Variants in FAM222A observed in about 807,000 individuals in gnomAD.
The protein encoded by FAM222A is protein FAM222A.
In FAM222A, 7 loss-of-function variants were observed where a neutral mutation model predicts 25.8. The ratio of observed to expected loss-of-function variants is 0.27; its 90% CI spans 0.15 to 0.51. The LOEUF (loss-of-function observed/expected upper bound fraction) is 0.51, where lower values mean the gene tolerates loss of function less well. Among genes scored for constraint, FAM222A ranks in the 20% least tolerant of loss-of-function variants. The pLI is 0.97. For missense variants in FAM222A, 573 were observed against 640.5 expected (o/e 0.89, Z 1.14); for synonymous variants, 294 against 298.8 (o/e 0.98, Z 0.17).
At chr12:109,717,587 G>C (rs191989299) in intron 1 of FAM222A, among the ~76,000 whole-genome samples, 11 of 152,312 alleles carry the variant, frequency 7.2e-5, no homozygotes, top group Admixed American at 5.9e-4. Context: ...GTGGGCCCTC[G>C]TGCCTGATGG....
chr12:109,759,201 C>T (rs995215677), intron 2 of FAM222A, among the ~76,000 whole-genome samples: 1 of 152,198 alleles, frequency 6.6e-6, no homozygotes, highest in African/African-American at 2.4e-5. Context: ...CTTGCCCTCT[C>T]CAAGCCTCAG....
chr12:109,761,706 T>C (rs1486542633), intron 2 of FAM222A, among the ~76,000 whole-genome samples: 1 of 152,156 alleles, frequency 6.6e-6, no homozygotes, highest in Non-Finnish European at 1.5e-5. Context: ...GCAAGTCCCA[T>C]TGCTTCTGAG....
At chr12:109,747,294 C>T (rs1289070759) in intron 2 of FAM222A, among the ~76,000 whole-genome samples, 1 of 152,094 alleles carries the variant, frequency 6.6e-6, no homozygotes, top group Non-Finnish European at 1.5e-5. Context: ...GGGGTTTCAC[C>T]GTGTTGGCCA....
chr12:109,753,036 C>T (rs1888604813), intron 2 of FAM222A, among the ~76,000 whole-genome samples: 1 of 152,208 alleles, frequency 6.6e-6, no homozygotes, highest in South Asian at 2.1e-4. Context: ...TGCTCAGGGC[C>T]TTCCCCACTA....
chr12:109,748,781 G>T (rs1242201899), intron 2 of FAM222A, among the ~76,000 whole-genome samples: 1 of 152,148 alleles, frequency 6.6e-6, no homozygotes, highest in East Asian at 1.9e-4. Context: ...TAATGATACT[G>T]TCTATCCCCT....
At chr12:109,738,195 G>C (rs1262009830) in intron 1 of FAM222A, among the ~76,000 whole-genome samples, 10 of 152,176 alleles carry the variant, frequency 6.6e-5, no homozygotes, top group Non-Finnish European at 1.0e-4. Context: ...GGCTGGGCAA[G>C]GGTCCCTCCA....
intron 2 of FAM222A, among the ~76,000 whole-genome samples, chr12:109,765,932 C>A (rs1889036239): frequency 6.6e-6 from 1 of 152,200 alleles, no homozygotes. Flanking sequence ...CCGCACATGA[C>A]CCGTCAAACC....
intron 1 of FAM222A, among the ~76,000 whole-genome samples, chr12:109,737,114 C>T (rs1437811955): frequency 1.3e-5 from 2 of 152,060 alleles, no homozygotes; most frequent in South Asian, 2.1e-4. Context: ...CTCAGGAACC[C>T]GGACTCCAAT....
intron 1 of FAM222A, among the ~76,000 whole-genome samples, chr12:109,743,448 G>A (rs1000206058): frequency 1.3e-5 from 2 of 152,196 alleles, no homozygotes; most frequent in Admixed American, 1.3e-4. Context: ...TTCAGGGTAA[G>A]GAGCTCAGGC....
intron 2 of FAM222A, among the ~76,000 whole-genome samples, chr12:109,764,633 T>A (rs1320821722): frequency 6.6e-6 from 1 of 152,024 alleles, no homozygotes; most frequent in African/African-American, 2.4e-5. Flanking sequence ...CAGATATAAT[T>A]TTTTTTTCCC....
intron 1 of FAM222A, among the ~76,000 whole-genome samples, chr12:109,727,468 C>T (rs1332806420): frequency 6.6e-6 from 1 of 152,146 alleles, no homozygotes; most frequent in Admixed American, 6.5e-5. Context: ...GTGTCTTGCT[C>T]TTGTTTCCTG....
chr12:109,720,420 C>T (rs1887726945), intron 1 of FAM222A, among the ~76,000 whole-genome samples: 1 of 152,350 alleles, frequency 6.6e-6, no homozygotes, highest in African/African-American at 2.4e-5. Context: ...AGCTGCCTCA[C>T]AGAGTCCAGG....
intron 1 of FAM222A, chr12:109,720,152 C>G (rs1186463072): frequency 1.0e-6 from 1 of 985,334 alleles, no homozygotes; most frequent in African/African-American, 1.7e-5. Context: ...CCTGGCCCCA[C>G]AGCAAGCCAG....
At chr12:109,726,108 G>GA (rs1302139361) in intron 1 of FAM222A, among the ~76,000 whole-genome samples, 6 of 35,576 alleles carry the variant, frequency 1.7e-4, no homozygotes, top group Non-Finnish European at 2.4e-4. Flanking sequence ...TGGGAAACAA[G>GA]AAAAAATTGC....
rs143872487 is a variant in FAM222A at position 109,750,541 on chromosome 12, G to C, written c.82+6313G>C. On this transcript the variant is annotated intron_variant, in intron 2 of 2. Transcript: ENST00000538780. ...CCTTCCTTTCTCATTTGTTATTAGC[G>C]ATGCTATTAGTGTATTCTCAGGGCT... Among the ~76,000 whole-genome samples the C allele has an allele frequency of 7.2e-4, 110 of 152,110 alleles. No homozygotes were observed. In the East Asian group the frequency reaches 0.02, roughly 28 times the overall value.
At chr12:109,761,543 T>G (rs1345121444) in intron 2 of FAM222A, among the ~76,000 whole-genome samples, 1 of 152,224 alleles carries the variant, frequency 6.6e-6, no homozygotes, top group African/African-American at 2.4e-5. Flanking sequence ...GGCTTGTTCC[T>G]TCACACCTTG....
intron 1 of FAM222A, among the ~76,000 whole-genome samples, chr12:109,720,580 G>C (rs1285741003): frequency 6.6e-6 from 1 of 152,248 alleles, no homozygotes; most frequent in Non-Finnish European, 1.5e-5. Context: ...TTAGAGGGCA[G>C]CTGTGAGGTT....
At chr12:109,720,405 C>T (rs1336290712) in intron 1 of FAM222A, among the ~76,000 whole-genome samples, 1 of 152,200 alleles carries the variant, frequency 6.6e-6, no homozygotes, top group Non-Finnish European at 1.5e-5. Flanking sequence ...TGCCAGGGCA[C>T]GGGCAGCTGC....
chr12:109,754,120 TACAA>T (rs990568042), intron 2 of FAM222A, among the ~76,000 whole-genome samples: 2 of 152,166 alleles, frequency 1.3e-5, no homozygotes, highest in African/African-American at 2.4e-5. Flanking sequence ...CATGATCGAC[TACAA>T]ACAAACTTGA....
Sources: gnomAD v4.1 joint callset for allele counts (sites outside exome capture counted in the v4.1 genomes callset) on GRCh38, gnomAD v4.1.1 for gene constraint, MANE v1.5 for transcripts, NCBI Gene and HGNC (gene_info 2026-07-23, HGNC 2026-07-21) for gene names.